Variants in UNC13C observed in about 807,000 individuals in gnomAD.
The protein encoded by UNC13C is protein unc-13 homolog C.
In UNC13C, 174 loss-of-function variants were observed where a neutral mutation model predicts 245.4. The ratio of observed to expected loss-of-function variants is 0.71; its 90% CI spans 0.63 to 0.80. The LOEUF is 0.80. Among genes scored for constraint, UNC13C ranks in the 30% least tolerant of loss-of-function variants. The pLI, the probability that UNC13C is intolerant of heterozygous loss-of-function variation, is 0.00. For synonymous variants in UNC13C, 992 were observed against 895.1 expected, an observed-to-expected ratio of 1.11 and a Z score of -1.93; for missense variants, 2,829 against 2,602.9, an observed-to-expected ratio of 1.09 and a Z score of -1.89.
At chr15:54,421,253 T>C (rs937541174) in intron 19 of UNC13C, among the ~76,000 whole-genome samples, 2 of 152,006 alleles carry the variant, frequency 1.3e-5, no homozygotes, top group African/African-American at 2.4e-5. Flanking sequence ...GTACCATTAT[T>C]CATAACATTA....
chr15:53,869,337 G>C, the UNC13C span, among the ~76,000 whole-genome samples: 1 of 152,138 alleles, frequency 6.6e-6, no homozygotes, highest in Non-Finnish European at 1.5e-5. Flanking sequence ...GTCATACACA[G>C]GCATATACAT....
the UNC13C span, chr15:53,912,967 T>G: frequency 3.9e-5 from 6 of 152,192 alleles, no homozygotes; most frequent in Non-Finnish European, 8.8e-5. Flanking sequence ...ACAATGGAAC[T>G]GGGACAGTAC....
chr15:53,962,654 T>G, the UNC13C span, among the ~76,000 whole-genome samples: 5 of 152,192 alleles, frequency 3.3e-5, no homozygotes, highest in African/African-American at 1.2e-4. Context: ...ACTGTTCCAT[T>G]TAAGCATTGC....
intron 4 of UNC13C, among the ~76,000 whole-genome samples, chr15:54,172,703 G>GATATAT (rs56316345): frequency 1.7e-3 from 132 of 78,274 alleles, no homozygotes; most frequent in South Asian, 2.6e-3. Flanking sequence ...TACACACACA[G>GATATAT]ATATATATAT....
At chr15:54,451,704 G>T (rs776310694) in intron 19 of UNC13C, among the ~76,000 whole-genome samples, 55 of 152,008 alleles carry the variant, frequency 3.6e-4, no homozygotes, top group Admixed American at 1.4e-3. Context: ...GTATTGTGTT[G>T]TTCCTTACTG....
At chr15:54,585,668 AAG>A (rs1004509265) in intron 30 of UNC13C, among the ~76,000 whole-genome samples, 1 of 152,190 alleles carries the variant, frequency 6.6e-6, no homozygotes, top group Non-Finnish European at 1.5e-5. Flanking sequence ...CTTCTCCACA[AAG>A]GTAGAAGAGA....
intron 1 of UNC13C, among the ~76,000 whole-genome samples, chr15:53,980,936 A>G (rs1003983039): frequency 9.9e-5 from 15 of 152,194 alleles, no homozygotes; most frequent in African/African-American, 3.6e-4. Context: ...TTAAGAGCCC[A>G]TGGGTCATTG....
At chr15:54,407,429 TTAAC>T (rs1393986635) in intron 18 of UNC13C, among the ~76,000 whole-genome samples, 1 of 152,088 alleles carries the variant, frequency 6.6e-6, no homozygotes, top group Non-Finnish European at 1.5e-5. Flanking sequence ...TGCCATTAAT[TTAAC>T]TATGAAATAC....
intron 17 of UNC13C, among the ~76,000 whole-genome samples, chr15:54,381,819 C>G (rs1380657996): frequency 6.6e-6 from 1 of 152,094 alleles, no homozygotes; most frequent in Non-Finnish European, 1.5e-5. Context: ...AAGATTTCAA[C>G]ATCCTACTCT....
chr15:54,242,012 G>A (rs16974366), intron 7 of UNC13C, among the ~76,000 whole-genome samples: 2,072 of 152,246 alleles, frequency 0.014, 42 homozygotes, highest in African/African-American at 0.047. Flanking sequence ...GTAGGGCCTA[G>A]GGCAAGTTAT....
chr15:54,235,296 T>G (rs886234887), intron 5 of UNC13C, among the ~76,000 whole-genome samples, 188 bp downstream of exon 5: 3 of 152,224 alleles, frequency 2.0e-5, no homozygotes, highest in African/African-American at 7.2e-5. Flanking sequence ...AGGAGATAAC[T>G]CAAACCTTTG....
At chr15:53,943,622 T>G in the UNC13C span, among the ~76,000 whole-genome samples, 7 of 152,294 alleles carry the variant, frequency 4.6e-5, no homozygotes, top group South Asian at 1.5e-3. Context: ...GGCTTATGCA[T>G]GATTTAAAAG....
intron 13 of UNC13C, among the ~76,000 whole-genome samples, chr15:54,301,062 C>G (rs1408723797): frequency 1.3e-5 from 2 of 152,066 alleles, no homozygotes; most frequent in Non-Finnish European, 1.5e-5. Flanking sequence ...TTCATTACTT[C>G]CCCATAGTTT....
intron 30 of UNC13C, among the ~76,000 whole-genome samples, chr15:54,613,375 TAGG>T (rs771514637): frequency 1.3e-5 from 2 of 151,906 alleles, no homozygotes; most frequent in African/African-American, 2.4e-5. Context: ...TAAATATTAA[TAGG>T]AGAATGCATG....
chr15:54,176,638 A>G (rs28542531), intron 4 of UNC13C, among the ~76,000 whole-genome samples: 16,156 of 152,152 alleles, frequency 0.11, 1,453 homozygotes, highest in African/African-American at 0.24. Flanking sequence ...AGGGAGCATG[A>G]AACATAATTG....
At chr15:54,089,654 C>T (rs924655887) in intron 2 of UNC13C, among the ~76,000 whole-genome samples, 103 of 127,314 alleles carry the variant, frequency 8.1e-4, no homozygotes, top group Non-Finnish European at 1.5e-3. Flanking sequence ...TTATTGCTTC[C>T]AATATCTTTT....
chr15:54,528,053 A>C (rs542778050), intron 25 of UNC13C, among the ~76,000 whole-genome samples: 18 of 152,294 alleles, frequency 1.2e-4, no homozygotes, highest in African/African-American at 4.3e-4. Flanking sequence ...TAATTGTAAA[A>C]AATCCACTTG....
intron 13 of UNC13C, among the ~76,000 whole-genome samples, chr15:54,305,926 A>G (rs1206271565): frequency 3.3e-5 from 5 of 152,036 alleles, no homozygotes; most frequent in Non-Finnish European, 1.5e-5. Context: ...TAATTTCATA[A>G]TCTTCCTCTT....
At chr15:54,249,763 G>T (rs980024824) in intron 7 of UNC13C, among the ~76,000 whole-genome samples, 5 of 152,158 alleles carry the variant, frequency 3.3e-5, no homozygotes, top group Non-Finnish European at 5.9e-5. Flanking sequence ...CTTCCCCGGT[G>T]ATAGGTACTG....
Sources: gnomAD v4.1 joint callset for allele counts (sites outside exome capture counted in the v4.1 genomes callset) on GRCh38, gnomAD v4.1.1 for gene constraint, MANE v1.5 for transcripts, NCBI Gene and HGNC (gene_info 2026-07-23, HGNC 2026-07-21) for gene names.